Variants in CDYL observed in about 807,000 individuals in gnomAD.
The protein encoded by CDYL is chromodomain Y like.
A neutral mutation model predicts 47.3 loss-of-function variants in CDYL; 8 were observed. That is an observed-to-expected ratio of 0.17 (90% CI 0.10 to 0.31). The LOEUF is 0.31. Among genes scored for constraint, CDYL ranks in the 10% least tolerant of loss-of-function variants. The pLI is 1.00. For missense variants in CDYL, 471 were observed against 701.4 expected, an observed-to-expected ratio of 0.67 and a Z score of 3.71; for synonymous variants, 266 against 265.0, an observed-to-expected ratio of 1.00 and a Z score of -0.04.
chr6:4,721,901 C>T (rs866404372), intron 2 of CDYL, among the ~76,000 whole-genome samples: 2 of 151,312 alleles, frequency 1.3e-5, no homozygotes, highest in Admixed American at 1.3e-4. Context: ...CTTGCTCTGT[C>T]GCCCAGGCTG....
intron 1 of CDYL, among the ~76,000 whole-genome samples, chr6:4,779,968 A>G (rs1337601416): frequency 1.3e-5 from 2 of 152,152 alleles, no homozygotes; most frequent in African/African-American, 4.8e-5. Flanking sequence ...TTTTTTTCCA[A>G]TCACTTACAA....
intron 1 of CDYL, among the ~76,000 whole-genome samples, chr6:4,795,720 A>T (rs572477988): frequency 4.7e-5 from 7 of 148,092 alleles, no homozygotes; most frequent in East Asian, 2.0e-4. Context: ...TTTTTTTTTT[A>T]AAGAATCAGT....
chr6:4,849,115 T>G (rs1461602105), intron 1 of CDYL, among the ~76,000 whole-genome samples: 1 of 152,228 alleles, frequency 6.6e-6, no homozygotes, highest in African/African-American at 2.4e-5. Flanking sequence ...CTTAAGAGTA[T>G]TCTGATTATT....
At chr6:4,756,573 CGTGTGTAT>C (rs1758077265) in intron 3 of CDYL, among the ~76,000 whole-genome samples, 1 of 125,236 alleles carries the variant, frequency 8.0e-6, no homozygotes, top group South Asian at 2.8e-4. Flanking sequence ...TTAAAATTAT[CGTGTGTAT>C]GTGTGTGTGT....
At chr6:4,865,494 G>A (rs762473044) in intron 1 of CDYL, among the ~76,000 whole-genome samples, 7 of 152,170 alleles carry the variant, frequency 4.6e-5, no homozygotes, top group Non-Finnish European at 5.9e-5. Context: ...AAATTGCCTT[G>A]CTCAGAAAAG....
chr6:4,811,437 T>G (rs777496099), intron 1 of CDYL, among the ~76,000 whole-genome samples: 1 of 152,188 alleles, frequency 6.6e-6, no homozygotes, highest in Non-Finnish European at 1.5e-5. Context: ...CTTGCTCTCT[T>G]CTGGTCAGTT....
chr6:4,919,365 A>G (rs978776325), intron 2 of CDYL, among the ~76,000 whole-genome samples: 2 of 152,246 alleles, frequency 1.3e-5, no homozygotes, highest in South Asian at 4.1e-4. Flanking sequence ...GATAGCCTCA[A>G]AATTGGCTAG....
intron 1 of CDYL, among the ~76,000 whole-genome samples, chr6:4,867,284 C>A (rs893542877): frequency 1.3e-5 from 2 of 152,066 alleles, no homozygotes; most frequent in African/African-American, 4.8e-5. Flanking sequence ...CATACTGGAT[C>A]ATACCATCTG....
rs188002971 is a variant in CDYL at position 4,817,236 on chromosome 6, G to C, written c.24+40429G>C. Among the ~76,000 whole-genome samples, 1,142 of 152,010 alleles carry C rather than the reference G, an allele frequency of 7.5e-3. 15 individuals carry two copies. Among genetic ancestry groups the C allele is most frequent in the Middle Eastern group, 0.048 (14 of 290 alleles). On this transcript the variant is annotated intron_variant, in intron 1 of 6. Transcript: ENST00000397588. ...CCTGGGAGCCAGCTAACTTCAGCCG[G>C]AGCCTAATACTCATGCATTGAACTG...
chr6:4,945,993 C>T (rs182492755), intron 5 of CDYL, among the ~76,000 whole-genome samples: 2 of 152,340 alleles, frequency 1.3e-5, no homozygotes, highest in East Asian at 1.9e-4. Context: ...CTGTTGGAGC[C>T]GTCAGCGTGC....
chr6:4,891,997 A>G lies in CDYL; in HGVS notation c.309A>G (p.Lys103=), dbSNP rs747161343. The G allele has an allele frequency of 1.2e-6, 2 of 1,614,226 alleles. No individual in the cohort carries two copies. Among genetic ancestry groups the G allele is most frequent in the Non-Finnish European group, 1.7e-6 (2 of 1,180,038 alleles). ...KTSPKALVIG[K]DHESKNSQLF... is the part of the protein sequence containing the mutation. Reference sequence around the variant, plus strand: ...CTCCTAAGGCACTCGTGATTGGGAAAGACCACGAATCCAAAAACAGCCAGC... The same window carrying G: ...CTCCTAAGGCACTCGTGATTGGGAAGGACCACGAATCCAAAAACAGCCAGC... The change falls in exon 2 of 7, where the codon AAA becomes AAG. Residue 103 remains lysine, a synonymous_variant. Coordinates refer to ENST00000397588, the MANE Select transcript of CDYL (RefSeq NM_004824.4).
chr6:4,876,352 A>G (rs1377031351), intron 1 of CDYL, among the ~76,000 whole-genome samples: 4 of 152,138 alleles, frequency 2.6e-5, no homozygotes, highest in Non-Finnish European at 4.4e-5. Flanking sequence ...CTTTGGGGTA[A>G]TTAGGTTGGG....
intron 1 of CDYL, among the ~76,000 whole-genome samples, chr6:4,788,480 C>CAAAAAAAAAA (rs1220969716): frequency 1.6e-5 from 1 of 61,062 alleles, no homozygotes; most frequent in African/African-American, 7.4e-5. Context: ...GAGACTCTGT[C>CAAAAAAAAAA]AAAAAAAAAA....
rs778793901 is a variant in CDYL, at chr6:4,952,331, C to G, written c.1398C>G (p.Val466=). The change falls in exon 6 of 7, where the codon GTC becomes GTG. Residue 466 remains valine (V), a synonymous_variant. Coordinates refer to ENST00000397588, the MANE Select transcript of CDYL (RefSeq NM_004824.4). Reference sequence around the variant, plus strand: ...AGGAGGCGTGTGGCAAGGGCCTGGTCTCCCAGGTGTTTTGGCCCGGGACGT... The same window carrying G: ...AGGAGGCGTGTGGCAAGGGCCTGGTGTCCCAGGTGTTTTGGCCCGGGACGT... ...TAQEACGKGL[V]SQVFWPGTFT... 1.2e-6 allele frequency: 2 copies of G among 1,614,182 alleles called. No homozygotes were observed. Among genetic ancestry groups the G allele is most frequent in the South Asian group, 2.2e-5 (2 of 91,086 alleles).
At chr6:4,871,737 T>A (rs1761480656) in intron 1 of CDYL, among the ~76,000 whole-genome samples, 1 of 152,182 alleles carries the variant, frequency 6.6e-6, no homozygotes, top group South Asian at 2.1e-4. Flanking sequence ...CTCCCCTAGA[T>A]GAGCTTTAGA....
At chr6:4,826,120 C>T (rs901392682) in intron 1 of CDYL, among the ~76,000 whole-genome samples, 2 of 152,176 alleles carry the variant, frequency 1.3e-5, no homozygotes, top group Non-Finnish European at 2.9e-5. Flanking sequence ...CGACTAGGAT[C>T]AGTTGTTTGT....
intron 1 of CDYL, among the ~76,000 whole-genome samples, chr6:4,841,019 C>G (rs1760473813): frequency 6.6e-6 from 1 of 152,072 alleles, no homozygotes; most frequent in Non-Finnish European, 1.5e-5. Flanking sequence ...TGATAAAATT[C>G]AGCTGTGAAT....
chr6:4,849,700 C>A (rs367556438), intron 1 of CDYL, among the ~76,000 whole-genome samples: 115 of 146,774 alleles, frequency 7.8e-4, no homozygotes, highest in Admixed American at 2.4e-3. Context: ...AAAAAAAAGT[C>A]TCTTCCTTCC....
intron 2 of CDYL, among the ~76,000 whole-genome samples, chr6:4,725,465 G>A (rs572127131): frequency 1.3e-5 from 2 of 152,372 alleles, no homozygotes; most frequent in African/African-American, 2.4e-5. Flanking sequence ...CAGGTCCCGA[G>A]CCCTGCCCCG....
Sources: allele counts gnomAD v4.1 joint callset (sites outside exome capture counted in the v4.1 genomes callset), GRCh38; gene constraint gnomAD v4.1.1; transcripts MANE v1.5; gene names NCBI Gene and HGNC (gene_info 2026-07-23, HGNC 2026-07-21).